The following ARHGAP40 variants were observed in gnomAD, a reference collection of about 807,000 sequenced individuals.
ARHGAP40 encodes the protein Rho GTPase activating protein 40, also known as rho GTPase-activating protein 40.
ARHGAP40 carries 43 observed loss-of-function variants against 73.5 expected under a neutral mutation model. That is an observed-to-expected ratio of 0.58 (90% CI 0.46 to 0.75). The LOEUF (loss-of-function observed/expected upper bound fraction) is 0.75. Among genes scored for constraint, ARHGAP40 ranks in the 30% least tolerant of loss-of-function variants. The pLI, the probability that ARHGAP40 is intolerant of heterozygous loss-of-function variation, is 0.00. For synonymous variants in ARHGAP40, 300 were observed against 352.8 expected, an observed-to-expected ratio of 0.85 and a Z score of 1.68; for missense variants, 734 against 861.8, an observed-to-expected ratio of 0.85 and a Z score of 1.86.
Position 38,637,937 on chromosome 20 carries a change from C to T in ARHGAP40, c.1041+138C>T, listed in dbSNP as rs60322081. ...GCAGACTTGGGTTCAAATTCTGGCT[C>T]TGGCACTTGCTGGCTCAGAGACCTG... On this transcript the variant is annotated intron_variant, in intron 7 of 14. Coordinates refer to ENST00000373345, the Ensembl canonical transcript of ARHGAP40. 6.7e-3 allele frequency: 3,358 copies of T among 499,868 alleles called. 111 individuals are homozygous for T. The highest frequency in any genetic ancestry group is 0.064 in the African/African-American group (3,055 of 47,370). 31.0% of individuals were successfully genotyped at this position (499,868 alleles called of 1,614,324 possible).
chr20:38,644,054 C>T, intron 11 of ARHGAP40, 144 bp downstream of exon 11: 1 of 609,080 alleles, frequency 1.6e-6, no homozygotes, highest in Non-Finnish European at 2.3e-6. Flanking sequence ...CCTGTGTTTT[C>T]TTCCTCCCCC....
chr20:38,649,448 C>G (rs981529139), intron 14 of ARHGAP40, among the ~76,000 whole-genome samples: 1 of 152,184 alleles, frequency 6.6e-6, no homozygotes, highest in African/African-American at 2.4e-5. Flanking sequence ...GCCTGATCCA[C>G]TAGGTGGCTC....
At chr20:38,631,565 C>T (rs2088938752) in intron 5 of ARHGAP40, among the ~76,000 whole-genome samples, 1 of 152,118 alleles carries the variant, frequency 6.6e-6, no homozygotes, top group Admixed American at 6.6e-5. Flanking sequence ...AAGACCTGCC[C>T]CCGTGATTCA....
intron 1 of ARHGAP40, among the ~76,000 whole-genome samples, chr20:38,610,016 G>T (rs1323971734): frequency 1.3e-5 from 2 of 152,236 alleles, no homozygotes; most frequent in Non-Finnish European, 2.9e-5. Flanking sequence ...CCCTAGGCCA[G>T]CCTAAGAGGA....
intron 7 of ARHGAP40, 40 bp from the exon 8 acceptor site, chr20:38,638,721 A>T: frequency 2.3e-6 from 3 of 1,282,844 alleles, no homozygotes; most frequent in Non-Finnish European, 3.1e-6. Context: ...CCTGCTTTTC[A>T]GCGGTTCCTG....
At chr20:38,625,511 T>C (rs749381109) in intron 2 of ARHGAP40, among the ~76,000 whole-genome samples, 44 of 152,168 alleles carry the variant, frequency 2.9e-4, no homozygotes, top group Non-Finnish European at 5.6e-4. Flanking sequence ...CTCCATCTCC[T>C]GGGTTCAAGC....
rs767876885 is a variant in ARHGAP40, at chr20:38,627,133, AC to A, written c.477del (p.Asp159GlufsTer39). On this transcript the variant is annotated frameshift_variant, in exon 3 of 15. Coordinates refer to ENST00000373345, the Ensembl canonical transcript of ARHGAP40. LOFTEE classifies it high-confidence loss of function. ...GTGGCCGCTGTGTGCCGCCGGCTGG[AC>A]ATCTATGCTCGCTCAGTGCGAAGAC... 1 of 1,305,436 alleles carries A rather than the reference AC, an allele frequency of 7.7e-7. No homozygotes were observed. Among genetic ancestry groups the A allele is most frequent in the South Asian group, 1.2e-5 (1 of 81,026 alleles). The allele number at this position is 1,305,436 out of a possible 1,614,324, so 80.9% of individuals were successfully genotyped here. A position where few individuals can be genotyped will look rare whatever the true frequency, so the allele number is the denominator to read the frequency against.
At position 38,623,350 on chromosome 20, in the gene ARHGAP40, T is replaced by G. The variant is rs1358126784; in HGVS notation, c.138-9T>G. 7.8e-7 allele frequency: 1 copy of G among 1,283,288 alleles called. No homozygotes were observed. Among genetic ancestry groups the G allele is most frequent in the East Asian group, 5.6e-5 (1 of 17,928 alleles). The allele number at this position is 1,283,288 out of a possible 1,614,324, so 79.5% of individuals were successfully genotyped here. A position where few individuals can be genotyped will look rare whatever the true frequency, so the allele number is the denominator to read the frequency against. On this transcript the variant is annotated splice_polypyrimidine_tract_variant and intron_variant, in intron 1 of 14. Transcript: ENST00000373345. ...GCTGACCTCCCTGCACCTTCCCCAC[T>G]TGCTACAGCTCTGGCCCCTCCTCAG... is the stretch of plus-strand genomic sequence containing the variant.
At chr20:38,626,789 G>C (rs556929180) in intron 2 of ARHGAP40, among the ~76,000 whole-genome samples, 2 of 152,124 alleles carry the variant, frequency 1.3e-5, no homozygotes, top group Non-Finnish European at 2.9e-5. Flanking sequence ...AATGCTATCA[G>C]TACCCCCCAC....
chr20:38,615,330 C>A, intron 1 of ARHGAP40: 1 of 771,032 alleles, frequency 1.3e-6, no homozygotes, highest in Non-Finnish European at 2.4e-6. Flanking sequence ...AGGTTAATTG[C>A]CAGCCACGGG....
At chr20:38,615,226 AG>A in intron 1 of ARHGAP40, 2 of 776,750 alleles carry the variant, frequency 2.6e-6, no homozygotes, top group South Asian at 1.4e-5. Context: ...GAGGTAAAAA[AG>A]TTTCTTCCTT....
chr20:38,646,255 G>T lies in ARHGAP40; in HGVS notation c.1710+68G>T. On this transcript the variant is annotated intron_variant, in intron 12 of 14. Coordinates refer to ENST00000373345, the Ensembl canonical transcript of ARHGAP40. The surrounding 1 kb of genome is among the most constrained non-coding windows in gnomAD (Gnocchi z 4.5). ...GACAGGAGGGCACCTGGGGCGCGGT[G>T]CTTCCCTTCCTCCAGGTCCCCGCTA... is the stretch of plus-strand genomic sequence containing the variant. 2 of 1,225,038 alleles carry T rather than the reference G, an allele frequency of 1.6e-6. No individual in the cohort carries two copies. The highest frequency in any genetic ancestry group is 2.7e-5 in the Admixed American group (1 of 36,604). 75.9% of individuals were successfully genotyped at this position (1,225,038 alleles called of 1,614,324 possible).
Position 38,623,566 on chromosome 20 carries a change from AC to A in ARHGAP40, c.337+11del. 5 of 1,285,462 alleles carry A rather than the reference AC, an allele frequency of 3.9e-6. No individual in the cohort carries two copies. Among genetic ancestry groups the A allele is most frequent in the Non-Finnish European group, 5.1e-6 (5 of 985,814 alleles). The allele number at this position is 1,285,462 out of a possible 1,614,324, so 79.6% of individuals were successfully genotyped here. On this transcript the variant is annotated intron_variant, in intron 2 of 14. Transcript: ENST00000373345. ...AAGGCCAGCTTCCAGAGGGTGAGAG[AC>A]CCTGGCGGGGGCCTATAGGGGTGGT...
exon 13 of ARHGAP40, chr20:38,647,104 G>T (rs2089059334): frequency 7.7e-7 from 1 of 1,304,950 alleles, no homozygotes; most frequent in Non-Finnish European, 1.0e-6. Context: ...AGACAGTGAG[G>T]ACATGGACAG....
intron 9 of ARHGAP40, among the ~76,000 whole-genome samples, chr20:38,639,656 T>C (rs1429274288): frequency 6.6e-6 from 1 of 152,272 alleles, no homozygotes; most frequent in Non-Finnish European, 1.5e-5. Flanking sequence ...ACAGTCCCTA[T>C]TAGTTCTCAC....
chr20:38,640,573 C>G (rs1043057086), intron 9 of ARHGAP40, among the ~76,000 whole-genome samples: 2 of 152,170 alleles, frequency 1.3e-5, no homozygotes, highest in Non-Finnish European at 2.9e-5. Flanking sequence ...CTGTTGCCCA[C>G]CCTCCACAGC....
chr20:38,648,695 A>G, exon 14 of ARHGAP40: 2 of 1,305,750 alleles, frequency 1.5e-6, no homozygotes, highest in Non-Finnish European at 2.0e-6. Context: ...TGGAGGGAAT[A>G]TCAGTAAGTT....
intron 9 of ARHGAP40, among the ~76,000 whole-genome samples, chr20:38,640,609 T>C (rs371938538): frequency 1.4e-3 from 210 of 152,290 alleles, no homozygotes; most frequent in African/African-American, 4.6e-3. Flanking sequence ...TTCCACTTCT[T>C]ACTAGGCCCA....
intron 2 of ARHGAP40, 25 bp from the exon 3 acceptor site, chr20:38,626,970 A>C: frequency 7.7e-7 from 1 of 1,301,272 alleles, no homozygotes; most frequent in Non-Finnish European, 1.0e-6. Flanking sequence ...GTGTGTGTTC[A>C]TCTGGGTTCT....
Sources: allele counts gnomAD v4.1 joint callset (sites outside exome capture counted in the v4.1 genomes callset), GRCh38; gene constraint gnomAD v4.1.1; non-coding constraint Gnocchi (gnomAD v3.1); transcripts MANE v1.5; gene names NCBI Gene and HGNC (gene_info 2026-07-23, HGNC 2026-07-21).